MROH9: variants seen among roughly 807,000 people sequenced by gnomAD.
MROH9 encodes the protein maestro heat like repeat family member 9.
MROH9 carries 92 observed loss-of-function variants against 98.2 expected under a neutral mutation model. That is an observed-to-expected ratio of 0.94 (90% CI 0.79 to 1.11). MROH9 has a LOEUF of 1.11. Among genes scored for constraint, MROH9 ranks in the 50% most tolerant of loss-of-function variants. MROH9 has a pLI of 0.00. For synonymous variants in MROH9, 397 were observed against 368.9 expected (o/e 1.08, Z -0.87); for missense variants, 1,057 against 1,014.8 (o/e 1.04, Z -0.57).
At chr1:171,032,770 A>G (rs767130070) in intron 20 of MROH9, among the ~76,000 whole-genome samples, 6 of 152,210 alleles carry the variant, frequency 3.9e-5, no homozygotes, top group Non-Finnish European at 7.3e-5. Context: ...ACGGAGAACA[A>G]TACCCATTTA....
intron 20 of MROH9, among the ~76,000 whole-genome samples, chr1:171,034,799 T>C (rs975630139): frequency 2.6e-5 from 4 of 152,184 alleles, no homozygotes; most frequent in African/African-American, 7.2e-5. Flanking sequence ...TACCAAGATT[T>C]ATTATAAAGC....
chr1:171,028,713 T>C (rs1026224332), intron 20 of MROH9, among the ~76,000 whole-genome samples: 1 of 152,178 alleles, frequency 6.6e-6, no homozygotes, highest in African/African-American at 2.4e-5. Flanking sequence ...TGAGCAGTGG[T>C]TTGTAGTTCT....
intron 17 of MROH9, among the ~76,000 whole-genome samples, chr1:171,022,341 C>T (rs1240073677): frequency 6.6e-6 from 1 of 152,088 alleles, no homozygotes; most frequent in Admixed American, 6.5e-5. Flanking sequence ...AGTCATGGAA[C>T]CAACCCAAAT....
intron 20 of MROH9, among the ~76,000 whole-genome samples, chr1:171,059,806 A>C (rs1321917964): frequency 2.6e-5 from 4 of 152,226 alleles, no homozygotes; most frequent in South Asian, 4.1e-4. Context: ...ACATGTTCTC[A>C]CTCATAAGTG....
At chr1:170,987,437 T>C (rs1651183528) in intron 10 of MROH9, among the ~76,000 whole-genome samples, 1 of 152,184 alleles carries the variant, frequency 6.6e-6, no homozygotes, top group African/African-American at 2.4e-5. Context: ...CCTTACAACA[T>C]AGGAAATAAT....
At chr1:170,936,298 G>A (rs893011665) in intron 1 of MROH9, among the ~76,000 whole-genome samples, 12 of 152,178 alleles carry the variant, frequency 7.9e-5, no homozygotes, top group Non-Finnish European at 1.2e-4. Flanking sequence ...GAGCAAGAGA[G>A]TTGATGATAA....
intron 3 of MROH9, among the ~76,000 whole-genome samples, chr1:170,953,271 A>G (rs1649625302): frequency 6.6e-6 from 1 of 152,052 alleles, no homozygotes; most frequent in Non-Finnish European, 1.5e-5. Context: ...TGATTTGCAA[A>G]TATATTCTCT....
At chr1:171,021,571 A>C (rs1417077152) in intron 17 of MROH9, among the ~76,000 whole-genome samples, 1 of 152,092 alleles carries the variant, frequency 6.6e-6, no homozygotes, top group Non-Finnish European at 1.5e-5. Flanking sequence ...GAAAACCGAA[A>C]CTGGACCCCT....
At chr1:170,976,379 G>A (rs1411829310) in intron 8 of MROH9, among the ~76,000 whole-genome samples, 1 of 152,024 alleles carries the variant, frequency 6.6e-6, no homozygotes, top group Non-Finnish European at 1.5e-5. Context: ...GTCTAAAAAG[G>A]GTCTTATTTC....
chr1:170,996,391 T>A lies in MROH9; in HGVS notation c.1338-116T>A. The A allele has an allele frequency of 3.6e-6, 4 of 1,099,230 alleles. No homozygotes were observed. The South Asian group carries it at 6.5e-5, about 18-fold the overall frequency. 68.1% of individuals were successfully genotyped at this position (1,099,230 alleles called of 1,614,324 possible). A position where few individuals can be genotyped will look rare whatever the true frequency, so the allele number is the denominator to read the frequency against. On this transcript the variant is annotated intron_variant, in intron 13 of 21. Transcript: ENST00000367759. Reference sequence around the variant, plus strand: ...TTAGCAATCTTTTTCCATTGAGACATCCCCTTTCTCAAAACCTATATTCTG... The same window carrying A: ...TTAGCAATCTTTTTCCATTGAGACAACCCCTTTCTCAAAACCTATATTCTG...
intron 9 of MROH9, among the ~76,000 whole-genome samples, chr1:170,986,103 G>A (rs542012971): frequency 9.1e-4 from 139 of 152,204 alleles, no homozygotes; most frequent in African/African-American, 3.2e-3. Flanking sequence ...TGTAGTTCTT[G>A]CACCTTGATC....
At chr1:171,055,679 G>C (rs548151493) in intron 20 of MROH9, among the ~76,000 whole-genome samples, 2 of 151,228 alleles carry the variant, frequency 1.3e-5, no homozygotes, top group South Asian at 2.1e-4. Context: ...GAAAAGGTGG[G>C]AAGGGATGAG....
chr1:170,939,649 C>CAT (rs1301877948), intron 1 of MROH9, among the ~76,000 whole-genome samples: 2 of 152,174 alleles, frequency 1.3e-5, no homozygotes, highest in African/African-American at 4.8e-5. Context: ...CCTGATCACA[C>CAT]ATATATATCA....
Position 171,043,179 on chromosome 1 carries a change from G to A in MROH9, c.2281+17759G>A, listed in dbSNP as rs1001191139. 6.6e-5 allele frequency among the ~76,000 whole-genome samples: 10 copies of A among 152,102 alleles called. 1 individual carries two copies. Among genetic ancestry groups the A allele is most frequent in the Admixed American group, 4.6e-4 (7 of 15,256 alleles). On this transcript the variant is annotated intron_variant, in intron 20 of 21. Transcript: ENST00000367759. ...GATTCTTGTATATGACAAGAGATGG[G>A]GGTCTAGATTCATTCTCCTGCACAT...
intron 20 of MROH9, among the ~76,000 whole-genome samples, chr1:171,027,821 T>C (rs1160035985): frequency 6.6e-6 from 1 of 152,270 alleles, no homozygotes; most frequent in African/African-American, 2.4e-5. Flanking sequence ...TGAGCTTTTT[T>C]TCATATGCTT....
At chr1:170,986,898 T>C (rs75160948) in intron 10 of MROH9, among the ~76,000 whole-genome samples, 188 bp downstream of exon 10, 2,519 of 152,308 alleles carry the variant, frequency 0.017, 26 homozygotes, top group Middle Eastern at 0.034. Flanking sequence ...TGGCTCACGC[T>C]GGAGTGCAGT....
chr1:171,054,901 G>C (rs1176514541), intron 20 of MROH9, among the ~76,000 whole-genome samples: 1 of 152,114 alleles, frequency 6.6e-6, no homozygotes, highest in Non-Finnish European at 1.5e-5. Context: ...TTACACTGCT[G>C]GTGGGAATCT....
chr1:170,940,603 T>C (rs879676395), intron 1 of MROH9, among the ~76,000 whole-genome samples: 1 of 152,156 alleles, frequency 6.6e-6, no homozygotes, highest in Admixed American at 6.5e-5. Context: ...CCAGAGAATA[T>C]GTCAATTTGC....
intron 8 of MROH9, 41 bp downstream of exon 8, chr1:170,971,924 T>A (rs1004381492): frequency 6.2e-7 from 1 of 1,601,250 alleles, no homozygotes; most frequent in East Asian, 2.2e-5. Context: ...TTACTAAGAA[T>A]ATGTCCCTCG....
Sources: allele counts gnomAD v4.1 joint callset (sites outside exome capture counted in the v4.1 genomes callset), GRCh38; gene constraint gnomAD v4.1.1; transcripts MANE v1.5; gene names NCBI Gene and HGNC (gene_info 2026-07-23, HGNC 2026-07-21).